CLHC1: variants seen among roughly 807,000 people sequenced by gnomAD.
The protein encoded by CLHC1 is clathrin heavy chain linker domain-containing protein 1.
A neutral mutation model predicts 69.5 loss-of-function variants in CLHC1; 72 were observed. That is an observed-to-expected ratio of 1.04 (90% confidence interval 0.86 to 1.26). The LOEUF (loss-of-function observed/expected upper bound fraction) is 1.26, where lower values mean the gene tolerates loss of function less well. CLHC1 is among the 50% of genes most tolerant of loss of function. The pLI, the probability that CLHC1 is intolerant of heterozygous loss-of-function variation, is 0.00. For missense variants in CLHC1, 790 were observed against 679.3 expected (o/e 1.16, Z -1.81); for synonymous variants, 223 against 224.3 (o/e 0.99, Z 0.05).
chr2:55,182,404 T>G (rs1489644568), intron 9 of CLHC1, among the ~76,000 whole-genome samples: 1 of 152,216 alleles, frequency 6.6e-6, no homozygotes, highest in Admixed American at 6.5e-5. Context: ...CAAATCAGCA[T>G]GACTACAATT....
chr2:55,231,492 T>C (rs1017920198), intron 1 of CLHC1, among the ~76,000 whole-genome samples: 3 of 152,150 alleles, frequency 2.0e-5, no homozygotes, highest in Admixed American at 1.3e-4. Flanking sequence ...GAATGAATAT[T>C]TTGGAGGCAA....
intron 5 of CLHC1, among the ~76,000 whole-genome samples, chr2:55,212,418 A>G (rs1351718330): frequency 6.6e-5 from 10 of 152,218 alleles, no homozygotes; most frequent in Non-Finnish European, 1.5e-4. Flanking sequence ...GGTGATGCTG[A>G]TGTTGATACA....
intron 2 of CLHC1, among the ~76,000 whole-genome samples, chr2:55,222,781 C>T (rs1407286341): frequency 6.6e-6 from 1 of 151,954 alleles, no homozygotes; most frequent in Non-Finnish European, 1.5e-5. Context: ...ATTAGCCAGG[C>T]GTGGTGGCGC....
At chr2:55,208,402 T>G (rs1295181953) in intron 8 of CLHC1, among the ~76,000 whole-genome samples, 1 of 152,162 alleles carries the variant, frequency 6.6e-6, no homozygotes, top group Non-Finnish European at 1.5e-5. Flanking sequence ...AAAACAGAGG[T>G]ATCACTATCT....
chr2:55,183,494 G>A (rs1394836333), intron 9 of CLHC1, among the ~76,000 whole-genome samples: 3 of 152,158 alleles, frequency 2.0e-5, no homozygotes, highest in African/African-American at 2.4e-5. Context: ...TCAAAGCTTG[G>A]TAAAACCAGG....
intron 3 of CLHC1, among the ~76,000 whole-genome samples, chr2:55,221,574 T>A (rs781728432): frequency 5.9e-5 from 9 of 152,188 alleles, no homozygotes; most frequent in Non-Finnish European, 1.0e-4. Flanking sequence ...AACAAGGAAG[T>A]ATCATGTTTC....
At position 55,217,979 on chromosome 2, in the gene CLHC1, G is replaced by C; in HGVS notation, c.197C>G (p.Ala66Gly). Residue 66 changes from alanine (A) to glycine (G), a missense_variant, in exon 4 of 13, where the codon GCA becomes GGA. Physicochemically the swap from Ala to Gly is moderately conservative, Grantham distance 60. Coordinates refer to ENST00000401408, the MANE Select transcript of CLHC1 (RefSeq NM_152385.4). ...VFDKVIEHIT[A>G]YKSILTSIKK... ...GATTGAAGTAAGAATGGATTTGTATGCAGTGATATGCTCTATTACCTGAAA... is the reference window on the plus strand; with the variant it reads ...GATTGAAGTAAGAATGGATTTGTATCCAGTGATATGCTCTATTACCTGAAA... 2 of 1,546,488 alleles carry C rather than the reference G, an allele frequency of 1.3e-6. No individual in the cohort carries two copies. Among genetic ancestry groups the C allele is most frequent in the East Asian group, 4.8e-5 (2 of 41,872 alleles).
chr2:55,199,296 C>CAAAAAAAAAAAAAAAAAAAA (rs57570449), intron 9 of CLHC1, among the ~76,000 whole-genome samples: 1 of 70,960 alleles, frequency 1.4e-5, no homozygotes. Context: ...GACTCCATCT[C>CAAAAAAAAAAAAAAAAAAAA]AAAAAAAAAA....
At chr2:55,196,535 G>T (rs1671433317) in intron 9 of CLHC1, among the ~76,000 whole-genome samples, 1 of 152,110 alleles carries the variant, frequency 6.6e-6, no homozygotes, top group African/African-American at 2.4e-5. Context: ...AGAGTCATGA[G>T]GCCCCTATTC....
At chr2:55,198,533 C>T (rs1178922963) in intron 9 of CLHC1, among the ~76,000 whole-genome samples, 5 of 151,472 alleles carry the variant, frequency 3.3e-5, no homozygotes, top group Non-Finnish European at 5.9e-5. Flanking sequence ...TGCAGTGAGC[C>T]GAGATCACAC....
At chr2:55,202,472 C>T (rs1470243368) in intron 9 of CLHC1, among the ~76,000 whole-genome samples, 1 of 151,264 alleles carries the variant, frequency 6.6e-6, no homozygotes, top group Admixed American at 6.6e-5. Context: ...AGGAGAATTG[C>T]TTGAACCCAG....
intron 2 of CLHC1, among the ~76,000 whole-genome samples, chr2:55,227,560 C>G (rs1002201738): frequency 6.6e-5 from 10 of 151,866 alleles, no homozygotes; most frequent in African/African-American, 1.9e-4. Flanking sequence ...CGCCTATAAT[C>G]CCAGCTACTC....
At chr2:55,181,849 C>G (rs959733305) in intron 9 of CLHC1, 105 bp from the exon 10 acceptor site, 1 of 838,676 alleles carries the variant, frequency 1.2e-6, no homozygotes, top group African/African-American at 1.7e-5. Flanking sequence ...AAAACTTTAA[C>G]AATCTAAAAT....
chr2:55,173,259 GA>G lies in CLHC1; in HGVS notation c.*2530del, dbSNP rs1669109130. On this transcript the variant is annotated 3_prime_UTR_variant, in exon 13 of 13. Coordinates refer to ENST00000401408, the MANE Select transcript of CLHC1 (RefSeq NM_152385.4). Reference sequence around the variant, plus strand: ...TTAAAAGGCATTTTTAGCAACTGGTGAAATTTGAATATGGACTGGCTATTAG... The same window carrying G: ...TTAAAAGGCATTTTTAGCAACTGGTGAATTTGAATATGGACTGGCTATTAG... Among the ~76,000 whole-genome samples, 2 of 152,182 alleles carry G rather than the reference GA, an allele frequency of 1.3e-5. No individual in the cohort carries two copies. Among genetic ancestry groups the G allele is most frequent in the Admixed American group, 1.3e-4 (2 of 15,282 alleles).
At position 55,175,374 on chromosome 2, in the gene CLHC1, C is replaced by T. The variant is rs67085480; in HGVS notation, c.*416G>A. 14,585 of 156,216 alleles carry T rather than the reference C, an allele frequency of 0.093. 782 individuals are homozygous for T. The highest frequency in any genetic ancestry group is 0.13 in the Non-Finnish European group (8,889 of 70,702). The allele number at this position is 156,216 out of a possible 1,614,324, so 9.7% of individuals were successfully genotyped here. ...AGCAAGTCCAACCTTGAAATGATTT[C>T]CTGCTTTTCTGGTCAAGTCAGGCTT... On this transcript the variant is annotated 3_prime_UTR_variant, in exon 13 of 13. Transcript: ENST00000401408.
chr2:55,202,333 A>C (rs1012315158), intron 9 of CLHC1, among the ~76,000 whole-genome samples: 2 of 151,682 alleles, frequency 1.3e-5, no homozygotes, highest in Non-Finnish European at 2.9e-5. Flanking sequence ...AGGTGTGCGG[A>C]TCACCTGAGG....
intron 9 of CLHC1, among the ~76,000 whole-genome samples, chr2:55,206,046 G>T (rs1230590665): frequency 6.6e-6 from 1 of 152,154 alleles, no homozygotes; most frequent in Non-Finnish European, 1.5e-5. Context: ...GAGTACATGG[G>T]TGTTAATGTT....
intron 2 of CLHC1, among the ~76,000 whole-genome samples, chr2:55,223,396 C>T (rs1204824833): frequency 2.6e-5 from 4 of 152,174 alleles, no homozygotes; most frequent in Non-Finnish European, 5.9e-5. Flanking sequence ...CATTATGCCG[C>T]TTTCAGTAAA....
chr2:55,201,284 GAA>G (rs1558480351), intron 9 of CLHC1, among the ~76,000 whole-genome samples: 2 of 150,978 alleles, frequency 1.3e-5, no homozygotes, highest in African/African-American at 4.9e-5. Context: ...AACTAAGTAA[GAA>G]AAAAAGAGAG....
Sources: allele counts gnomAD v4.1 joint callset (sites outside exome capture counted in the v4.1 genomes callset), GRCh38; gene constraint gnomAD v4.1.1; transcripts MANE v1.5; gene names NCBI Gene and HGNC (gene_info 2026-07-23, HGNC 2026-07-21).